PIP4K2A: variants seen among roughly 807,000 people sequenced by gnomAD.
The protein encoded by PIP4K2A is phosphatidylinositol-5-phosphate 4-kinase type 2 alpha.
In PIP4K2A, 14 loss-of-function variants were observed where a neutral mutation model predicts 42.9. The ratio of observed to expected loss-of-function variants is 0.33; its 90% CI spans 0.22 to 0.51. The LOEUF (loss-of-function observed/expected upper bound fraction) is 0.51. Among genes scored for constraint, PIP4K2A ranks in the 20% least tolerant of loss-of-function variants. The pLI is 0.97. For missense variants in PIP4K2A, 434 were observed against 519.8 expected (o/e 0.83, Z 1.61); for synonymous variants, 192 against 192.2 (o/e 1.00, Z 0.01).
chr10:22,674,925 T>C (rs1235072132), intron 1 of PIP4K2A, among the ~76,000 whole-genome samples: 2 of 152,008 alleles, frequency 1.3e-5, no homozygotes, highest in Non-Finnish European at 2.9e-5. Flanking sequence ...ATCATGCCAC[T>C]GTACTCCAGC....
intron 2 of PIP4K2A, among the ~76,000 whole-genome samples, chr10:22,608,610 A>G (rs1472012493): frequency 6.6e-6 from 1 of 152,166 alleles, no homozygotes; most frequent in African/African-American, 2.4e-5. Context: ...TACACCACTC[A>G]TTTGTAATCC....
intron 1 of PIP4K2A, among the ~76,000 whole-genome samples, chr10:22,705,402 A>C (rs1833799107): frequency 8.4e-6 from 1 of 119,704 alleles, no homozygotes; most frequent in Admixed American, 1.1e-4. Context: ...TACCCCCTTT[A>C]CGTATTATAT....
chr10:22,545,783 T>C (rs528491710), intron 7 of PIP4K2A, among the ~76,000 whole-genome samples: 1 of 152,226 alleles, frequency 6.6e-6, no homozygotes, highest in South Asian at 2.1e-4. Flanking sequence ...CAGATCACTG[T>C]AGCCTTGAAC....
chr10:22,570,972 T>C (rs1836971876), intron 5 of PIP4K2A, among the ~76,000 whole-genome samples: 2 of 152,154 alleles, frequency 1.3e-5, no homozygotes, highest in Non-Finnish European at 2.9e-5. Flanking sequence ...CTGGCTAAGA[T>C]GGTGTGTCAT....
At chr10:22,581,935 GAC>G (rs1422745964) in intron 4 of PIP4K2A, among the ~76,000 whole-genome samples, 2 of 151,882 alleles carry the variant, frequency 1.3e-5, no homozygotes, top group African/African-American at 4.8e-5. Context: ...AACATGAGAA[GAC>G]CCCATCTCTA....
At chr10:22,685,280 T>C (rs1223631016) in intron 1 of PIP4K2A, among the ~76,000 whole-genome samples, 1 of 152,228 alleles carries the variant, frequency 6.6e-6, no homozygotes, top group Admixed American at 6.5e-5. Context: ...TTTGGACATT[T>C]AGCATCAAGT....
rs1402834391 is a variant in PIP4K2A at position 22,682,120 on chromosome 10, T to C, written c.144+32063A>G. Among the ~76,000 whole-genome samples, 4 of 152,128 alleles carry C rather than the reference T, an allele frequency of 2.6e-5. No homozygotes were observed. The South Asian group carries it at 6.2e-4, about 24-fold the overall frequency. On this transcript the variant is annotated intron_variant, in intron 1 of 9. Transcript: ENST00000376573. ...CTCCTGTGCTATAGTTAATTCAAGA[T>C]ATAAAAATGCTCAAAGAGGAGTACT... is the stretch of plus-strand genomic sequence containing the variant.
chr10:22,709,873 T>C (rs775533708), intron 1 of PIP4K2A, among the ~76,000 whole-genome samples: 1 of 152,094 alleles, frequency 6.6e-6, no homozygotes, highest in Non-Finnish European at 1.5e-5. Flanking sequence ...AAAAAATAGT[T>C]TGAGGAGACT....
At chr10:22,566,321 C>T (rs1836846485) in intron 6 of PIP4K2A, among the ~76,000 whole-genome samples, 1 of 152,130 alleles carries the variant, frequency 6.6e-6, no homozygotes, top group Admixed American at 6.5e-5. Flanking sequence ...CAGAAAAGAA[C>T]CTATGTGAAT....
At chr10:22,639,359 T>TA (rs35329002) in intron 1 of PIP4K2A, among the ~76,000 whole-genome samples, 64,447 of 135,610 alleles carry the variant, frequency 0.48, 15,335 homozygotes, top group African/African-American at 0.62. Context: ...CAAAAGAAGC[T>TA]AAAAAAAAAA....
intron 3 of PIP4K2A, among the ~76,000 whole-genome samples, chr10:22,595,225 T>C (rs1339111481): frequency 1.3e-5 from 2 of 152,188 alleles, no homozygotes; most frequent in Non-Finnish European, 2.9e-5. Flanking sequence ...GAGGAAAAGC[T>C]AGATCCATTT....
intron 3 of PIP4K2A, among the ~76,000 whole-genome samples, chr10:22,603,898 C>T (rs1056444937): frequency 6.6e-6 from 1 of 152,162 alleles, no homozygotes; most frequent in Non-Finnish European, 1.5e-5. Context: ...TGATTCAACC[C>T]TGAGCATATT....
chr10:22,580,492 GAAAAT>G (rs1837245776), intron 4 of PIP4K2A, among the ~76,000 whole-genome samples: 1 of 151,850 alleles, frequency 6.6e-6, no homozygotes, highest in African/African-American at 2.4e-5. Flanking sequence ...TCAACAAAAA[GAAAAT>G]AAAAGAAAGA....
chr10:22,632,270 T>C (rs1267374232), intron 1 of PIP4K2A, among the ~76,000 whole-genome samples: 1 of 152,206 alleles, frequency 6.6e-6, no homozygotes, highest in Non-Finnish European at 1.5e-5. Context: ...GTATCAGTGT[T>C]AGTTTCCTCA....
At chr10:22,702,815 T>G (rs1303890320) in intron 1 of PIP4K2A, among the ~76,000 whole-genome samples, 1 of 152,072 alleles carries the variant, frequency 6.6e-6, no homozygotes, top group African/African-American at 2.4e-5. Flanking sequence ...CCAGCCCCAC[T>G]CATTCATTCA....
chr10:22,667,653 T>C (rs1334829952), intron 1 of PIP4K2A, among the ~76,000 whole-genome samples: 1 of 152,182 alleles, frequency 6.6e-6, no homozygotes. Context: ...AAATTAAAAT[T>C]CTCTTAGAAA....
At chr10:22,553,221 T>A (rs899280201) in intron 6 of PIP4K2A, among the ~76,000 whole-genome samples, 1 of 152,178 alleles carries the variant, frequency 6.6e-6, no homozygotes, top group Non-Finnish European at 1.5e-5. Context: ...CGAAGGCGGA[T>A]CCTGGCAGGG....
intron 7 of PIP4K2A, among the ~76,000 whole-genome samples, chr10:22,545,946 TCCTCCTGCCTTGG>T (rs1836250055): frequency 1.3e-5 from 2 of 152,200 alleles, no homozygotes; most frequent in Admixed American, 6.5e-5. Context: ...CCTCAAGTGA[TCCTCCTGCCTTGG>T]CCTCCCAAAC....
chr10:22,587,266 C>G (rs1410538850), intron 4 of PIP4K2A, among the ~76,000 whole-genome samples: 1 of 151,976 alleles, frequency 6.6e-6, no homozygotes, highest in Non-Finnish European at 1.5e-5. Flanking sequence ...GTTGGGTAAC[C>G]AAAGTTGTCA....
Sources: allele counts gnomAD v4.1 joint callset (sites outside exome capture counted in the v4.1 genomes callset), GRCh38; gene constraint gnomAD v4.1.1; transcripts MANE v1.5; gene names NCBI Gene and HGNC (gene_info 2026-07-23, HGNC 2026-07-21).